The following PXDNL variants were observed in gnomAD, a reference collection of about 807,000 sequenced individuals.
PXDNL encodes the protein peroxidasin like.
In PXDNL, 145 loss-of-function variants were observed where a neutral mutation model predicts 150.8. The observed-to-expected ratio is 0.96, with a 90% CI of 0.84 to 1.10. The LOEUF (loss-of-function observed/expected upper bound fraction) is 1.10, where lower values mean the gene tolerates loss of function less well. Among genes scored for constraint, PXDNL ranks in the 50% least tolerant of loss-of-function variants. PXDNL has a pLI of 0.00. For missense variants in PXDNL, 2,087 were observed against 1,873.9 expected, an observed-to-expected ratio of 1.11 and a Z score of -2.10; for synonymous variants, 757 against 725.7, an observed-to-expected ratio of 1.04 and a Z score of -0.69.
chr8:51,378,928 C>G lies in PXDNL; in HGVS notation c.3558-4197G>C, dbSNP rs544200942. Among the ~76,000 whole-genome samples, 13 of 152,286 alleles carry G rather than the reference C, an allele frequency of 8.5e-5. No individual in the cohort carries two copies. The South Asian group carries it at 2.7e-3, about 32-fold the overall frequency. Reference sequence around the variant, plus strand: ...TAACACTCACGGCGAGGGTCTGCGACTTCATTCTTGAAGTCAGTGAGACCA... The same window carrying G: ...TAACACTCACGGCGAGGGTCTGCGAGTTCATTCTTGAAGTCAGTGAGACCA... On this transcript the variant is annotated intron_variant, in intron 17 of 22. Coordinates refer to ENST00000356297, the MANE Select transcript of PXDNL (RefSeq NM_144651.5).
intron 17 of PXDNL, among the ~76,000 whole-genome samples, chr8:51,398,080 T>C (rs908632315): frequency 3.3e-5 from 5 of 152,174 alleles, no homozygotes; most frequent in African/African-American, 1.2e-4. Flanking sequence ...GTTTTCCCAT[T>C]ATAAACAATC....
chr8:51,620,684 C>G (rs1451377202), intron 2 of PXDNL, among the ~76,000 whole-genome samples: 1 of 147,546 alleles, frequency 6.8e-6, no homozygotes, highest in Non-Finnish European at 1.5e-5. Context: ...GCTGGGACTA[C>G]AGGTGCACGC....
intron 14 of PXDNL, among the ~76,000 whole-genome samples, chr8:51,422,323 C>G (rs79701545): frequency 0.19 from 28,358 of 152,066 alleles, 2,948 homozygotes; most frequent in East Asian, 0.32. Flanking sequence ...CCACCCCGGT[C>G]AGTGGAAAAA....
chr8:51,612,362 T>TG (rs979774860), intron 2 of PXDNL, among the ~76,000 whole-genome samples: 19 of 152,130 alleles, frequency 1.2e-4, no homozygotes, highest in African/African-American at 4.6e-4. Context: ...TACAGATTTG[T>TG]GGGGGGCTAA....
intron 1 of PXDNL, among the ~76,000 whole-genome samples, chr8:51,671,441 C>T (rs1585663368): frequency 6.6e-6 from 1 of 152,124 alleles, no homozygotes; most frequent in Admixed American, 6.5e-5. Context: ...CAACAGAGAC[C>T]TCTATAATTT....
rs571196664 is a variant in PXDNL, at chr8:51,349,162, G to T, written c.3902-3215C>A. On this transcript the variant is annotated intron_variant, in intron 19 of 22. Transcript: ENST00000356297. ...TGTTCAAGAGGCATAACGGTGGGTG[G>T]GTGTGTGTGTGGGGGTGTGTGTGTG... is the stretch of plus-strand genomic sequence containing the variant. Among the ~76,000 whole-genome samples, 361 of 72,456 alleles carry T rather than the reference G, an allele frequency of 5.0e-3. 2 individuals carry two copies. Among genetic ancestry groups the T allele is most frequent in the African/African-American group, 0.011 (337 of 29,750 alleles). 47.5% of individuals were successfully genotyped at this position (72,456 alleles called of 152,430 possible).
intron 2 of PXDNL, among the ~76,000 whole-genome samples, chr8:51,614,425 A>C (rs1433029656): frequency 6.6e-6 from 1 of 152,232 alleles, no homozygotes; most frequent in African/African-American, 2.4e-5. Flanking sequence ...ACTCCAAGCT[A>C]TAACCAATCT....
At chr8:51,563,699 A>G (rs774877247) in intron 3 of PXDNL, among the ~76,000 whole-genome samples, 19 of 151,972 alleles carry the variant, frequency 1.3e-4, no homozygotes, top group Non-Finnish European at 2.5e-4. Flanking sequence ...TATTTTTTGC[A>G]CTACTCAATA....
At chr8:51,421,660 CTG>C (rs1452780779) in intron 14 of PXDNL, among the ~76,000 whole-genome samples, 1 of 152,124 alleles carries the variant, frequency 6.6e-6, no homozygotes, top group Non-Finnish European at 1.5e-5. Flanking sequence ...GATTGTGCCC[CTG>C]CACTCCAGCC....
At chr8:51,432,545 A>G (rs1809276081) in intron 12 of PXDNL, among the ~76,000 whole-genome samples, 1 of 152,178 alleles carries the variant, frequency 6.6e-6, no homozygotes, top group Non-Finnish European at 1.5e-5. Flanking sequence ...TCTTTCAATG[A>G]CATTTTATTT....
intron 2 of PXDNL, among the ~76,000 whole-genome samples, chr8:51,624,337 AG>A (rs1443411977): frequency 2.6e-5 from 4 of 152,118 alleles, no homozygotes; most frequent in Non-Finnish European, 5.9e-5. Flanking sequence ...AAAATACAAC[AG>A]TAAGTCAGGT....
intron 17 of PXDNL, among the ~76,000 whole-genome samples, chr8:51,388,149 T>C (rs931706550): frequency 6.6e-6 from 1 of 152,170 alleles, no homozygotes; most frequent in African/African-American, 2.4e-5. Context: ...TCAGAAACTA[T>C]TAAAAGTAAT....
intron 10 of PXDNL, among the ~76,000 whole-genome samples, chr8:51,451,891 G>A (rs1809816160): frequency 6.6e-6 from 1 of 151,968 alleles, no homozygotes; most frequent in South Asian, 2.1e-4. Context: ...TAAAAATCTG[G>A]GCACACAGAT....
chr8:51,710,336 C>T lies in PXDNL; in HGVS notation c.165-55576G>A, dbSNP rs115707846. On this transcript the variant is annotated intron_variant, in intron 1 of 22. Coordinates refer to ENST00000356297, the MANE Select transcript of PXDNL (RefSeq NM_144651.5). ...TTTTAACTGACAAAGAAAAATTATACATATTTATGGTATACTACATGATGC... is the reference window on the plus strand; with the variant it reads ...TTTTAACTGACAAAGAAAAATTATATATATTTATGGTATACTACATGATGC... 7.0e-3 allele frequency among the ~76,000 whole-genome samples: 1,062 copies of T among 152,268 alleles called. 8 individuals carry two copies. The highest frequency in any genetic ancestry group is 0.024 in the African/African-American group (1,014 of 41,552).
At chr8:51,397,238 G>C (rs186053849) in intron 17 of PXDNL, among the ~76,000 whole-genome samples, 88 of 152,162 alleles carry the variant, frequency 5.8e-4, no homozygotes, top group African/African-American at 2.0e-3. Context: ...GCTAGAAATG[G>C]GTTTTGAATC....
chr8:51,487,789 T>C (rs573356501), intron 5 of PXDNL, among the ~76,000 whole-genome samples: 1 of 152,328 alleles, frequency 6.6e-6, no homozygotes, highest in South Asian at 2.1e-4. Flanking sequence ...CAGGACTTTC[T>C]TGATTGTATT....
intron 17 of PXDNL, among the ~76,000 whole-genome samples, chr8:51,385,816 T>C (rs1031774662): frequency 3.3e-5 from 5 of 152,006 alleles, no homozygotes; most frequent in Non-Finnish European, 7.4e-5. Context: ...TTATAAGGGG[T>C]TTCTCCTTTC....
rs1809016248 is a variant in PXDNL, at chr8:51,423,687, A to G, written c.1683T>C (p.Asp561=). The change falls in exon 14 of 23, where the codon GAT becomes GAC. Residue 561 remains aspartate, a synonymous_variant. Coordinates refer to ENST00000356297, the MANE Select transcript of PXDNL (RefSeq NM_144651.5). ...ITESGKFHVD[D]EGTLTIYDAG... ...CGTCGTAGATAGTCAGCGTGCCTTC[A>G]TCATCCACATGGAATTTACCACTCT... is the stretch of plus-strand genomic sequence containing the variant. 6.2e-7 allele frequency: 1 copy of G among 1,613,896 alleles called. No individual in the cohort carries two copies. Among genetic ancestry groups the G allele is most frequent in the South Asian group, 1.1e-5 (1 of 91,076 alleles).
intron 1 of PXDNL, among the ~76,000 whole-genome samples, chr8:51,684,226 T>C (rs1397817835): frequency 1.3e-5 from 2 of 152,192 alleles, no homozygotes. Flanking sequence ...ACATAATCTC[T>C]TTGCAACTGA....
Sources: allele counts gnomAD v4.1 joint callset (sites outside exome capture counted in the v4.1 genomes callset), GRCh38; gene constraint gnomAD v4.1.1; transcripts MANE v1.5; gene names NCBI Gene and HGNC (gene_info 2026-07-23, HGNC 2026-07-21).